CHST9: variants seen among roughly 807,000 people sequenced by gnomAD.
The protein encoded by CHST9 is GalNAc-4-sulfotransferase 2.
CHST9 carries 41 observed loss-of-function variants against 44.4 expected under a neutral mutation model. The observed-to-expected ratio is 0.92, with a 90% confidence interval of 0.72 to 1.20. The LOEUF (loss-of-function observed/expected upper bound fraction) is 1.20. CHST9 is among the 50% of genes most tolerant of loss of function. The probability of loss-of-function intolerance (pLI) is 0.00; values close to 1 mark genes in which losing one functional copy is unlikely to be tolerated. For synonymous variants in CHST9, 171 were observed against 178.4 expected (o/e 0.96, Z 0.33); for missense variants, 504 against 516.5 (o/e 0.98, Z 0.23).
At chr18:26,947,226 G>A (rs2056177632) in intron 4 of CHST9, among the ~76,000 whole-genome samples, 1 of 152,076 alleles carries the variant, frequency 6.6e-6, no homozygotes, top group African/African-American at 2.4e-5. Flanking sequence ...CCTTGAAAAG[G>A]TCCTTCACAT....
At chr18:27,157,018 AC>A (rs1365589555) in intron 1 of CHST9, among the ~76,000 whole-genome samples, 1 of 152,034 alleles carries the variant, frequency 6.6e-6, no homozygotes, top group Non-Finnish European at 1.5e-5. Context: ...ATATGTTGTC[AC>A]CTTATTTCTG....
Position 26,907,842 on chromosome 18 carries a change from C to G in CHST9, c.*8417G>C, listed in dbSNP as rs944518344. 2.3e-5 allele frequency: 4 copies of G among 173,210 alleles called. No individual in the cohort carries two copies. The East Asian group carries it at 4.9e-4, about 21-fold the overall frequency. 10.7% of individuals were successfully genotyped at this position (173,210 alleles called of 1,614,324 possible). A position where few individuals can be genotyped will look rare whatever the true frequency, so the allele number is the denominator to read the frequency against. ...ATTCAGCCTTGAAAAGAAAAAAATT[C>G]TGGTACGTCCTTCAATATGGATGAA... On this transcript the variant is annotated 3_prime_UTR_variant, in exon 6 of 6. Transcript: ENST00000618847.
chr18:27,094,608 A>C (rs1022651207), intron 2 of CHST9, among the ~76,000 whole-genome samples: 2 of 152,218 alleles, frequency 1.3e-5, no homozygotes, highest in African/African-American at 4.8e-5. Flanking sequence ...TTTTAAATAT[A>C]TCAAAGAGAG....
At chr18:26,971,035 T>G (rs2056536137) in intron 4 of CHST9, among the ~76,000 whole-genome samples, 4 of 152,296 alleles carry the variant, frequency 2.6e-5, no homozygotes, top group African/African-American at 9.6e-5. Context: ...TCATCCTCAT[T>G]AGTGGCTTCC....
At chr18:26,943,375 T>C (rs1036585269) in intron 5 of CHST9, among the ~76,000 whole-genome samples, 2 of 152,204 alleles carry the variant, frequency 1.3e-5, no homozygotes. Context: ...AAACTAGAAC[T>C]TTATTGGGAT....
intron 5 of CHST9, among the ~76,000 whole-genome samples, chr18:26,923,955 G>A (rs983753919): frequency 2.6e-5 from 4 of 152,168 alleles, no homozygotes; most frequent in Non-Finnish European, 4.4e-5. Flanking sequence ...TCCTGACATC[G>A]AGTCTGCTTG....
At chr18:27,063,304 G>A (rs570809694) in intron 2 of CHST9, among the ~76,000 whole-genome samples, 13 of 152,194 alleles carry the variant, frequency 8.5e-5, no homozygotes, top group Admixed American at 5.2e-4. Context: ...TCTAATTTAT[G>A]TACAAAACTG....
chr18:27,106,815 A>G (rs4800788), intron 2 of CHST9, among the ~76,000 whole-genome samples: 14,344 of 152,264 alleles, frequency 0.094, 716 homozygotes, highest in East Asian at 0.14. Context: ...TGGCAAGTTA[A>G]TCTACCTGCT....
chr18:27,152,341 CTT>C (rs11383019), intron 1 of CHST9, among the ~76,000 whole-genome samples: 1 of 148,908 alleles, frequency 6.7e-6, no homozygotes, highest in Non-Finnish European at 1.5e-5. Context: ...AGTGTAGAGT[CTT>C]TTTTTTTTCA....
At chr18:27,059,860 G>C (rs1413642221) in intron 2 of CHST9, among the ~76,000 whole-genome samples, 1 of 152,162 alleles carries the variant, frequency 6.6e-6, no homozygotes, top group Non-Finnish European at 1.5e-5. Context: ...AAAGGTTTGG[G>C]CCTCAGACAT....
intron 5 of CHST9, among the ~76,000 whole-genome samples, chr18:26,924,028 G>A: frequency 6.6e-6 from 1 of 152,092 alleles, no homozygotes; most frequent in East Asian, 1.9e-4. Context: ...GGAGGGCCTG[G>A]GCTGATATAA....
intron 2 of CHST9, among the ~76,000 whole-genome samples, chr18:27,141,754 A>G (rs2339329): frequency 0.31 from 46,903 of 150,132 alleles, 8,012 homozygotes; most frequent in Non-Finnish European, 0.39. Context: ...AAAAAAAAAA[A>G]AAAAAAGAAA....
chr18:27,174,242 C>T (rs1237241806), intron 1 of CHST9, among the ~76,000 whole-genome samples: 1 of 151,726 alleles, frequency 6.6e-6, no homozygotes, highest in Admixed American at 6.6e-5. Flanking sequence ...TCCTTTAATC[C>T]TGAACAATAT....
At chr18:26,970,383 T>C (rs531915815) in intron 4 of CHST9, among the ~76,000 whole-genome samples, 1 of 152,200 alleles carries the variant, frequency 6.6e-6, no homozygotes, top group Non-Finnish European at 1.5e-5. Context: ...GCTGTATGTA[T>C]TGATTCATTT....
intron 2 of CHST9, among the ~76,000 whole-genome samples, chr18:27,132,875 T>C (rs1307301925): frequency 6.6e-6 from 1 of 152,216 alleles, no homozygotes; most frequent in Non-Finnish European, 1.5e-5. Context: ...CCTTTCTTCC[T>C]GTCTGCTTTT....
At chr18:27,060,212 G>C (rs2057705426) in intron 2 of CHST9, among the ~76,000 whole-genome samples, 1 of 152,200 alleles carries the variant, frequency 6.6e-6, no homozygotes, top group South Asian at 2.1e-4. Flanking sequence ...AAGGTTCAGG[G>C]AGGGGCCCTA....
intron 1 of CHST9, among the ~76,000 whole-genome samples, chr18:27,149,165 G>T (rs2058639386): frequency 8.0e-6 from 1 of 124,450 alleles, no homozygotes; most frequent in East Asian, 3.0e-4. Context: ...TTAGCCCTTT[G>T]TCAGATGAGT....
In CHST9 at chr18:27,122,221, C is replaced by A. The variant is rs187330062; in HGVS notation, c.121+20468G>T. 1.7e-3 allele frequency among the ~76,000 whole-genome samples: 265 copies of A among 152,298 alleles called. 2 individuals are homozygous for A. Among genetic ancestry groups the A allele is most frequent in the Non-Finnish European group, 1.9e-3 (126 of 68,024 alleles). Reference sequence around the variant, plus strand: ...TTTAAAAATTGATTTACTATCTGAACTGCTCAGAAATTTTGCTACTGCCCA... The same window carrying A: ...TTTAAAAATTGATTTACTATCTGAAATGCTCAGAAATTTTGCTACTGCCCA... On this transcript the variant is annotated intron_variant, in intron 2 of 5. Transcript: ENST00000618847.
chr18:27,126,185 G>A (rs555362392), intron 2 of CHST9, among the ~76,000 whole-genome samples: 3 of 152,142 alleles, frequency 2.0e-5, no homozygotes, highest in South Asian at 2.1e-4. Context: ...TCATGGTTAC[G>A]GAAGTTTGGA....
Sources: allele counts gnomAD v4.1 joint callset (sites outside exome capture counted in the v4.1 genomes callset), GRCh38; gene constraint gnomAD v4.1.1; transcripts MANE v1.5; gene names NCBI Gene and HGNC (gene_info 2026-07-23, HGNC 2026-07-21).